The following GNAL variants were observed in gnomAD, a reference collection of about 807,000 sequenced individuals.
The protein encoded by GNAL is guanine nucleotide-binding protein G(olf) subunit alpha.
Under a neutral mutation model 55.1 loss-of-function variants are expected in GNAL, and 18 were observed. That is an observed-to-expected ratio of 0.33 (90% confidence interval 0.23 to 0.48). The LOEUF (loss-of-function observed/expected upper bound fraction) is 0.48, where lower values mean the gene tolerates loss of function less well. Ranked by LOEUF, GNAL falls within the 20% of genes least tolerant of loss-of-function variation. The pLI, the probability that GNAL is intolerant of heterozygous loss-of-function variation, is 0.99. For missense variants in GNAL, 412 were observed against 614.1 expected (o/e 0.67, Z 3.48); for synonymous variants, 253 against 237.0 (o/e 1.07, Z -0.62).
intron 1 of GNAL, among the ~76,000 whole-genome samples, chr18:11,692,306 T>G (rs2031274597): frequency 6.6e-6 from 1 of 152,240 alleles, no homozygotes; most frequent in Admixed American, 6.5e-5. Context: ...ACCTAGCTGT[T>G]GTATCCTGTT....
rs182192056 is a variant in GNAL, at chr18:11,842,519, C to T, written c.722+17504C>T. On this transcript the variant is annotated intron_variant, in intron 5 of 11. Coordinates refer to ENST00000334049, the MANE Select transcript of GNAL (RefSeq NM_182978.4). ...TCAGTGGGACCCCTGAGCTTGTTTT[C>T]CTGCAACTAGATGGTCCCATCTGGG... Among the ~76,000 whole-genome samples the T allele has an allele frequency of 4.6e-5, 7 of 151,940 alleles. No homozygotes were observed. In the East Asian group the frequency reaches 1.4e-3, roughly 29 times the overall value.
chr18:11,741,120 A>T (rs1269862802), intron 1 of GNAL, among the ~76,000 whole-genome samples: 1 of 152,256 alleles, frequency 6.6e-6, no homozygotes, highest in Non-Finnish European at 1.5e-5. Context: ...TTATATGCAG[A>T]TTAATCTGCC....
At chr18:11,784,886 A>G (rs1253520847) in intron 4 of GNAL, among the ~76,000 whole-genome samples, 1 of 152,210 alleles carries the variant, frequency 6.6e-6, no homozygotes, top group Non-Finnish European at 1.5e-5. Context: ...AGTGGGAGGA[A>G]ATATATGATT....
At chr18:11,783,290 C>T (rs1334714912) in intron 4 of GNAL, among the ~76,000 whole-genome samples, 1 of 152,202 alleles carries the variant, frequency 6.6e-6, no homozygotes, top group Non-Finnish European at 1.5e-5. Flanking sequence ...CCTCTGTGTG[C>T]GTCAGCTTGT....
intron 4 of GNAL, among the ~76,000 whole-genome samples, chr18:11,754,451 C>T (rs2032972235): frequency 6.6e-6 from 1 of 151,728 alleles, no homozygotes; most frequent in African/African-American, 2.4e-5. Flanking sequence ...AATGGGATTG[C>T]AAGAAATGCT....
At chr18:11,855,023 C>T (rs977565198) in intron 5 of GNAL, among the ~76,000 whole-genome samples, 9 of 150,114 alleles carry the variant, frequency 6.0e-5, no homozygotes, top group African/African-American at 2.5e-5. Flanking sequence ...CAGGTTCTAG[C>T]GATCCTCCTG....
At chr18:11,869,113 A>T (rs184078476) in intron 9 of GNAL, among the ~76,000 whole-genome samples, 89 of 151,904 alleles carry the variant, frequency 5.9e-4, no homozygotes, top group African/African-American at 2.1e-3. Context: ...TATTGTATAG[A>T]TATACTTAAA....
At chr18:11,817,602 G>A (rs1342876500) in intron 4 of GNAL, among the ~76,000 whole-genome samples, 1 of 152,090 alleles carries the variant, frequency 6.6e-6, no homozygotes, top group East Asian at 1.9e-4. Context: ...TTTTCTTTTT[G>A]TTTGGTTGTG....
At chr18:11,859,504 G>A (rs1037725808) in intron 5 of GNAL, among the ~76,000 whole-genome samples, 3 of 152,314 alleles carry the variant, frequency 2.0e-5, no homozygotes, top group East Asian at 1.9e-4. Context: ...GCAATGGCAG[G>A]GAATTCCTGC....
At position 11,876,806 on chromosome 18, in the gene GNAL, A is replaced by G. The variant is rs1313894127; in HGVS notation, c.1230+118A>G. The stretch of plus-strand genomic sequence containing the variant: ...ATCTTCCTTAACATTACGAGCGATG[A>G]CAAAGGGTATGTTACTTTAATTTCA... On this transcript the variant is annotated intron_variant, in intron 11 of 11. Coordinates refer to ENST00000334049, the MANE Select transcript of GNAL (RefSeq NM_182978.4). 3 of 722,140 alleles carry G rather than the reference A, an allele frequency of 4.2e-6. No individual in the cohort carries two copies. The Admixed American group carries it at 6.2e-5, about 15-fold the overall frequency. 44.7% of individuals were successfully genotyped at this position (722,140 alleles called of 1,614,324 possible).
At chr18:11,717,022 C>A (rs2031984509) in intron 1 of GNAL, among the ~76,000 whole-genome samples, 1 of 152,216 alleles carries the variant, frequency 6.6e-6, no homozygotes, top group Admixed American at 6.5e-5. Context: ...GGAGGCTCAG[C>A]TTTGCAGGAG....
intron 5 of GNAL, among the ~76,000 whole-genome samples, chr18:11,837,883 G>A (rs1406514361): frequency 6.6e-6 from 1 of 152,180 alleles, no homozygotes; most frequent in African/African-American, 2.4e-5. Context: ...GCTCACACCT[G>A]TAATCCCAGC....
intron 5 of GNAL, among the ~76,000 whole-genome samples, chr18:11,844,229 T>A (rs1249471963): frequency 6.6e-6 from 1 of 151,768 alleles, no homozygotes; most frequent in Non-Finnish European, 1.5e-5. Flanking sequence ...AGGTCAGGAG[T>A]TTGAGGCCAG....
chr18:11,873,768 C>G (rs900214249), intron 10 of GNAL, among the ~76,000 whole-genome samples: 1 of 152,238 alleles, frequency 6.6e-6, no homozygotes, highest in Non-Finnish European at 1.5e-5. Context: ...TGCCAGTTTC[C>G]CAGCAAGCTG....
intron 1 of GNAL, among the ~76,000 whole-genome samples, chr18:11,719,931 G>T (rs543347649): frequency 6.6e-6 from 1 of 152,372 alleles, no homozygotes; most frequent in Non-Finnish European, 1.5e-5. Context: ...TCCCTGGGAG[G>T]TTGGTGGACC....
intron 5 of GNAL, among the ~76,000 whole-genome samples, chr18:11,831,128 C>T (rs542327008): frequency 1.3e-5 from 2 of 151,898 alleles, no homozygotes; most frequent in East Asian, 3.9e-4. Context: ...TGAGTTTTGT[C>T]TTATTTGAAA....
intron 4 of GNAL, among the ~76,000 whole-genome samples, chr18:11,813,251 T>C (rs1286707336): frequency 1.6e-3 from 3 of 1,904 alleles, no homozygotes. Flanking sequence ...TGAGACTCCA[T>C]CTTAAAAAAA....
chr18:11,717,173 G>A (rs963416841), intron 1 of GNAL, among the ~76,000 whole-genome samples: 10 of 152,346 alleles, frequency 6.6e-5, no homozygotes, highest in African/African-American at 9.6e-5. Context: ...GTCTGGGGCC[G>A]GTGGGGCCAG....
intron 4 of GNAL, among the ~76,000 whole-genome samples, chr18:11,822,249 G>C (rs1008223987): frequency 2.6e-5 from 4 of 152,112 alleles, no homozygotes; most frequent in African/African-American, 9.7e-5. Flanking sequence ...GACCAGCCTG[G>C]GCAACATTAT....
Sources: gnomAD v4.1 joint callset for allele counts (sites outside exome capture counted in the v4.1 genomes callset) on GRCh38, gnomAD v4.1.1 for gene constraint, MANE v1.5 for transcripts, NCBI Gene and HGNC (gene_info 2026-07-23, HGNC 2026-07-21) for gene names.